Variants in GANC observed in about 807,000 individuals in gnomAD.
The protein encoded by GANC is neutral alpha-glucosidase C.
Under a neutral mutation model 124.2 loss-of-function variants are expected in GANC, and 117 were observed. The ratio of observed to expected loss-of-function variants is 0.94; its 90% CI spans 0.81 to 1.10. The LOEUF (loss-of-function observed/expected upper bound fraction) is 1.10, where lower values mean the gene tolerates loss of function less well. Ranked by LOEUF, GANC falls within the 50% of genes least tolerant of loss-of-function variation. The pLI is 0.00. For missense variants in GANC, 1,140 were observed against 1,095.0 expected, an observed-to-expected ratio of 1.04 and a Z score of -0.58; for synonymous variants, 377 against 376.8, an observed-to-expected ratio of 1.00 and a Z score of -0.01.
chr15:42,292,080 G>A (rs2051846240), intron 4 of GANC, among the ~76,000 whole-genome samples: 1 of 152,158 alleles, frequency 6.6e-6, no homozygotes, highest in African/African-American at 2.4e-5. Flanking sequence ...GGGATTTTAA[G>A]TGCTGTGTCT....
chr15:42,305,819 C>T (rs1011589077), intron 6 of GANC, among the ~76,000 whole-genome samples: 2 of 152,090 alleles, frequency 1.3e-5, no homozygotes, highest in African/African-American at 2.4e-5. Flanking sequence ...TAGAAACCAT[C>T]ATTCTCAGCA....
chr15:42,330,040 A>G (rs997181597), intron 14 of GANC, among the ~76,000 whole-genome samples: 7 of 152,220 alleles, frequency 4.6e-5, no homozygotes, highest in African/African-American at 1.7e-4. Flanking sequence ...TGTTATTTTC[A>G]AATTGTGACT....
intron 10 of GANC, 108 bp downstream of exon 10, chr15:42,310,954 T>TA (rs2052045116): frequency 8.2e-7 from 1 of 1,218,340 alleles, no homozygotes; most frequent in South Asian, 1.5e-5. Flanking sequence ...GTTTATAACT[T>TA]ACCCAAGCAT....
At chr15:42,322,489 G>A (rs1022964127) in intron 11 of GANC, among the ~76,000 whole-genome samples, 1 of 152,156 alleles carries the variant, frequency 6.6e-6, no homozygotes, top group Non-Finnish European at 1.5e-5. Flanking sequence ...GTTAGCGGGT[G>A]GGGACAGGGC....
intron 6 of GANC, among the ~76,000 whole-genome samples, chr15:42,304,968 A>C (rs1052100251): frequency 6.6e-6 from 1 of 152,240 alleles, no homozygotes; most frequent in East Asian, 1.9e-4. Context: ...CTCAAGATGA[A>C]TTAAAGACTT....
At chr15:42,295,837 A>C (rs1012150610) in intron 5 of GANC, among the ~76,000 whole-genome samples, 10 of 152,126 alleles carry the variant, frequency 6.6e-5, no homozygotes, top group Non-Finnish European at 1.2e-4. Flanking sequence ...AGACTCATAC[A>C]CGCATTAAAG....
At chr15:42,290,000 A>G (rs893371319) in intron 4 of GANC, among the ~76,000 whole-genome samples, 5 of 152,324 alleles carry the variant, frequency 3.3e-5, no homozygotes, top group Admixed American at 1.3e-4. Flanking sequence ...AAGAAACTCA[A>G]CTTTCTGACA....
rs1325343329 is a variant in GANC, at chr15:42,278,522, G to C, written c.133G>C (p.Ala45Pro). 2 of 1,612,622 alleles carry C rather than the reference G, an allele frequency of 1.2e-6. No homozygotes were observed. The highest frequency in any genetic ancestry group is 1.7e-6 in the Non-Finnish European group (2 of 1,179,356). The change falls in exon 3 of 24, where the codon GCA (alanine) becomes CCA (proline). Residue 45 changes from alanine (A) to proline (P), a missense_variant. Ala to Pro is a conservative substitution (Grantham distance 27, BLOSUM62 -1). Coordinates refer to ENST00000318010, the MANE Select transcript of GANC (RefSeq NM_198141.3). ...QWLSKKSTYQ[A>P]LLDSVTTDED... The stretch of plus-strand genomic sequence containing the variant: ...GCTTTCCAAGAAGTCCACCTATCAG[G>C]CATTATTGGATTCAGTCACAACAGA...
chr15:42,305,746 T>C (rs1270919135), intron 6 of GANC, among the ~76,000 whole-genome samples: 3 of 152,166 alleles, frequency 2.0e-5, no homozygotes, highest in Admixed American at 6.5e-5. Flanking sequence ...ATACACACCA[T>C]GAAATACTAT....
rs1359654412 is a variant in GANC, at chr15:42,349,064, A to G, written c.2419-319A>G. ...ATTTTTTTTAACATCGTTGTCATTC[A>G]ATGAACTTTCTTGGCCTTGTTGTCA... On this transcript the variant is annotated intron_variant, in intron 21 of 23. Transcript: ENST00000318010. Among the ~76,000 whole-genome samples the G allele has an allele frequency of 2.0e-5, 3 of 152,220 alleles. No individual in the cohort carries two copies. The East Asian group carries it at 5.8e-4, about 29-fold the overall frequency.
At position 42,343,089 on chromosome 15, in the gene GANC, T is replaced by C. The variant is rs752188315; in HGVS notation, c.2164T>C (p.Leu722=). ...TCTCCATTACTTAGGGAGTGCATTA[T>C]TGGTTCATCCAGTCACAGAACCAAA... The part of the protein sequence containing the change: ...EDEYMLGSAL[L]VHPVTEPKAT... Residue 722 remains leucine, a synonymous_variant, in exon 19 of 24, where the codon TTG becomes CTG. Coordinates refer to ENST00000318010, the MANE Select transcript of GANC (RefSeq NM_198141.3). The C allele has an allele frequency of 1.5e-5, 24 of 1,613,930 alleles. No individual in the cohort carries two copies. In the Middle Eastern group the frequency reaches 5.0e-4, roughly 33 times the overall value.
At position 42,351,312 on chromosome 15, in the gene GANC, G is replaced by A; in HGVS notation, c.2532-17G>A. On this transcript the variant is annotated splice_polypyrimidine_tract_variant and intron_variant, in intron 22 of 23. Coordinates refer to ENST00000318010, the MANE Select transcript of GANC (RefSeq NM_198141.3). Reference sequence around the variant, plus strand: ...CCCCCATCCCTCTCCTTTTAATACTGTTTGTATCTATTCCAGTTTTGCTGA... The same window carrying A: ...CCCCCATCCCTCTCCTTTTAATACTATTTGTATCTATTCCAGTTTTGCTGA... 1 of 1,591,480 alleles carries A rather than the reference G, an allele frequency of 6.3e-7. No individual in the cohort carries two copies. The highest frequency in any genetic ancestry group is 8.6e-7 in the Non-Finnish European group (1 of 1,160,072).
intron 6 of GANC, among the ~76,000 whole-genome samples, chr15:42,305,736 A>G (rs139040120): frequency 0.014 from 2,182 of 152,348 alleles, 51 homozygotes; most frequent in African/African-American, 0.05. Flanking sequence ...AATGTGGCAC[A>G]TACACACCAT....
chr15:42,311,406 CAA>C (rs781281844), intron 10 of GANC, among the ~76,000 whole-genome samples: 1 of 152,028 alleles, frequency 6.6e-6, no homozygotes. Flanking sequence ...AAAGAATCCA[CAA>C]AAAAATTACT....
chr15:42,284,814 A>T (rs372342407), intron 3 of GANC, among the ~76,000 whole-genome samples: 2 of 152,168 alleles, frequency 1.3e-5, no homozygotes, highest in South Asian at 2.1e-4. Context: ...CATGTCTTAA[A>T]TACTTCTAAG....
At chr15:42,309,461 A>G (rs1188614899) in intron 8 of GANC, among the ~76,000 whole-genome samples, 1 of 151,924 alleles carries the variant, frequency 6.6e-6, no homozygotes, top group African/African-American at 2.4e-5. Flanking sequence ...CTGAGACTAC[A>G]GGTATGCGCC....
rs1423732205 is a variant in GANC, at chr15:42,327,451, T to G, written c.1500+9T>G. On this transcript the variant is annotated intron_variant, in intron 13 of 23. Transcript: ENST00000318010. ...CTTTCCCTGTTTATCAGGTTGGTTT[T>G]TATTCCTTTGTTCTTTTCTAGTTAC... The G allele has an allele frequency of 1.2e-6, 2 of 1,602,218 alleles. No individual in the cohort carries two copies. Among genetic ancestry groups the G allele is most frequent in the South Asian group, 1.1e-5 (1 of 90,650 alleles).
chr15:42,330,242 G>C (rs73400993), intron 14 of GANC, among the ~76,000 whole-genome samples: 28,869 of 152,056 alleles, frequency 0.19, 3,145 homozygotes, highest in South Asian at 0.28. Flanking sequence ...TCAGTTTTTC[G>C]TACCAATGAA....
chr15:42,333,028 A>ATATT (rs1390829726), intron 15 of GANC, among the ~76,000 whole-genome samples: 1 of 146,766 alleles, frequency 6.8e-6, no homozygotes, highest in African/African-American at 2.5e-5. Flanking sequence ...CAAAAAATAT[A>ATATT]TATATATATA....
Sources: gnomAD v4.1 joint callset for allele counts (sites outside exome capture counted in the v4.1 genomes callset) on GRCh38, gnomAD v4.1.1 for gene constraint, MANE v1.5 for transcripts, NCBI Gene and HGNC (gene_info 2026-07-23, HGNC 2026-07-21) for gene names.